BTBD7: variants seen among roughly 807,000 people sequenced by gnomAD.
BTBD7 encodes the protein BTB/POZ domain-containing protein 7.
BTBD7 carries 38 observed loss-of-function variants against 99.9 expected under a neutral mutation model. That is an observed-to-expected ratio of 0.38 (90% CI 0.29 to 0.50). The LOEUF is 0.50. BTBD7 is among the 20% of genes least tolerant of loss of function. BTBD7 has a pLI of 0.93. For missense variants in BTBD7, 1,170 were observed against 1,394.6 expected (o/e 0.84, Z 2.57); for synonymous variants, 520 against 511.4 (o/e 1.02, Z -0.23).
chr14:93,303,497 C>G (rs550086971), intron 1 of BTBD7, among the ~76,000 whole-genome samples: 8 of 151,790 alleles, frequency 5.3e-5, no homozygotes, highest in Non-Finnish European at 1.2e-4. Context: ...ACTCGGAAAG[C>G]AGAAACAGGA....
At chr14:93,309,608 C>T (rs566384263) in intron 1 of BTBD7, among the ~76,000 whole-genome samples, 1 of 152,130 alleles carries the variant, frequency 6.6e-6, no homozygotes, top group South Asian at 2.1e-4. Flanking sequence ...CACTGTGCTG[C>T]TGTTTCTATT....
rs1417519441 is a variant in BTBD7 at position 93,332,764 on chromosome 14, G to A, written c.-107+56C>T. On this transcript the variant is annotated intron_variant, in intron 1 of 10. Coordinates refer to ENST00000334746, the MANE Select transcript of BTBD7 (RefSeq NM_001002860.4). The stretch of plus-strand genomic sequence containing the variant: ...CCCCTTCCTCTCCCGGACGCCCCGC[G>A]CCACACCGGACACAGCCTCGGCTCC... 4.1e-6 allele frequency: 6 copies of A among 1,447,898 alleles called. No homozygotes were observed. The South Asian group carries it at 5.4e-5, about 13-fold the overall frequency. The allele number at this position is 1,447,898 out of a possible 1,614,324, so 89.7% of individuals were successfully genotyped here.
intron 9 of BTBD7, among the ~76,000 whole-genome samples, chr14:93,247,805 C>T (rs2052329555): frequency 6.6e-6 from 1 of 152,160 alleles, no homozygotes; most frequent in Non-Finnish European, 1.5e-5. Context: ...AAAACCAGTG[C>T]TATTGCTTTT....
At chr14:93,279,813 A>G (rs2052698989) in intron 3 of BTBD7, among the ~76,000 whole-genome samples, 1 of 152,202 alleles carries the variant, frequency 6.6e-6, no homozygotes, top group Admixed American at 6.6e-5. Flanking sequence ...ACACAGTAAG[A>G]GCTCAATAAG....
At chr14:93,324,903 C>T (rs367802118) in intron 1 of BTBD7, among the ~76,000 whole-genome samples, 1 of 152,242 alleles carries the variant, frequency 6.6e-6, no homozygotes, top group East Asian at 1.9e-4. Context: ...ATTAGATGGG[C>T]AGCTAACAGA....
Position 93,332,840 on chromosome 14 carries a change from C to G in BTBD7, c.-127G>C, listed in dbSNP as rs1386270809. 6.8e-7 allele frequency: 1 copy of G among 1,479,096 alleles called. No homozygotes were observed. The highest frequency in any genetic ancestry group is 1.5e-5 in the African/African-American group (1 of 68,394). The allele number at this position is 1,479,096 out of a possible 1,614,324, so 91.6% of individuals were successfully genotyped here. On this transcript the variant is annotated 5_prime_UTR_variant, in exon 1 of 11. Transcript: ENST00000334746. ...CTCACCCCGGAGGCTCCTCCCGCCGCTGCTGCTGCCGCTGGGACCGCTGCC... is the reference window on the plus strand; with the variant it reads ...CTCACCCCGGAGGCTCCTCCCGCCGGTGCTGCTGCCGCTGGGACCGCTGCC...
intron 9 of BTBD7, 119 bp downstream of exon 9, chr14:93,248,357 C>T (rs918821276): frequency 2.0e-6 from 2 of 1,017,858 alleles, no homozygotes; most frequent in Non-Finnish European, 2.8e-6. Context: ...ACACCAAAGG[C>T]AGTGAAAAAG....
intron 1 of BTBD7, among the ~76,000 whole-genome samples, chr14:93,323,723 T>C (rs1228397161): frequency 6.6e-6 from 1 of 152,166 alleles, no homozygotes; most frequent in East Asian, 1.9e-4. Context: ...TAGGTAATAA[T>C]GAGGGGCAAG....
chr14:93,302,069 A>G (rs2053011686), intron 1 of BTBD7, among the ~76,000 whole-genome samples: 1 of 152,166 alleles, frequency 6.6e-6, no homozygotes, highest in Non-Finnish European at 1.5e-5. Context: ...TATCTTGAGT[A>G]CGAGTTAACT....
intron 1 of BTBD7, among the ~76,000 whole-genome samples, chr14:93,311,952 A>C (rs1408832129): frequency 6.6e-6 from 1 of 151,798 alleles, no homozygotes; most frequent in African/African-American, 2.4e-5. Context: ...AGTGAGTATA[A>C]AGTTAAAATA....
At chr14:93,316,968 A>G (rs916057141) in intron 1 of BTBD7, among the ~76,000 whole-genome samples, 1 of 152,228 alleles carries the variant, frequency 6.6e-6, no homozygotes, top group Admixed American at 6.5e-5. Context: ...TCCTGTGAAA[A>G]GGCTAAGAGT....
chr14:93,332,572 G>C lies in BTBD7; in HGVS notation c.-107+248C>G, dbSNP rs1714891281. 2.0e-5 allele frequency among the ~76,000 whole-genome samples: 3 copies of C among 151,506 alleles called. No homozygotes were observed. In the South Asian group the frequency reaches 6.2e-4, roughly 31 times the overall value. On this transcript the variant is annotated intron_variant, in intron 1 of 10. Coordinates refer to ENST00000334746, the MANE Select transcript of BTBD7 (RefSeq NM_001002860.4). ...CGCCACACCTCGCGCCCCTGCCCCA[G>C]GGACGGCGGCGCGCTCCAGCCCGCC...
chr14:93,327,292 GC>G (rs1728666515), intron 1 of BTBD7, among the ~76,000 whole-genome samples: 1 of 152,134 alleles, frequency 6.6e-6, no homozygotes, highest in Non-Finnish European at 1.5e-5. Context: ...TTCACTGAAT[GC>G]CCCTGTGCCA....
chr14:93,250,166 T>C (rs1351785306), intron 8 of BTBD7, among the ~76,000 whole-genome samples: 1 of 152,102 alleles, frequency 6.6e-6, no homozygotes. Flanking sequence ...ATGAATGTGG[T>C]GTGCAAGGAA....
At chr14:93,293,398 C>G (rs561000554) in intron 3 of BTBD7, among the ~76,000 whole-genome samples, 3 of 152,270 alleles carry the variant, frequency 2.0e-5, no homozygotes, top group Non-Finnish European at 2.9e-5. Context: ...AGAAACCCTG[C>G]CCAATTCTGA....
In BTBD7 at chr14:93,238,165, C is replaced by T. The variant is rs1242000475; in HGVS notation, c.*4108G>A. On this transcript the variant is annotated 3_prime_UTR_variant, in exon 11 of 11. Coordinates refer to ENST00000334746, the MANE Select transcript of BTBD7 (RefSeq NM_001002860.4). ...CAAATACAAGAGGTTATTTTCAAGA[C>T]ACACACTTGCAAGTAATCTTTCTAT... is the stretch of plus-strand genomic sequence containing the variant. 6.6e-6 allele frequency: 1 copy of T among 152,532 alleles called. No homozygotes were observed. Among genetic ancestry groups the T allele is most frequent in the African/African-American group, 2.4e-5 (1 of 41,414 alleles). The allele number at this position is 152,532 out of a possible 1,614,324, so 9.4% of individuals were successfully genotyped here.
intron 3 of BTBD7, among the ~76,000 whole-genome samples, chr14:93,289,733 C>T (rs1303843186): frequency 6.6e-6 from 1 of 152,204 alleles, no homozygotes; most frequent in African/African-American, 2.4e-5. Flanking sequence ...TAAATCTGGT[C>T]CTAAATGCCA....
rs2052193609 is a variant in BTBD7 at position 93,239,268 on chromosome 14, T to C, written c.*3005A>G. ...TGAACGTCCTCTCGGCTCTAGCGTGTAAACGGTAGGTCTCTAACCTCAACG... is the reference window on the plus strand; with the variant it reads ...TGAACGTCCTCTCGGCTCTAGCGTGCAAACGGTAGGTCTCTAACCTCAACG... On this transcript the variant is annotated 3_prime_UTR_variant, in exon 11 of 11. Transcript: ENST00000334746. The C allele has an allele frequency of 6.6e-6, 1 of 152,576 alleles. No individual in the cohort carries two copies. The allele number at this position is 152,576 out of a possible 1,614,324, so 9.5% of individuals were successfully genotyped here. A position where few individuals can be genotyped will look rare whatever the true frequency, so the allele number is the denominator to read the frequency against.
At position 93,294,170 on chromosome 14, in the gene BTBD7, G is replaced by T; in HGVS notation, c.850C>A (p.Arg284=). The T allele has an allele frequency of 1.9e-6, 3 of 1,614,152 alleles. No homozygotes were observed. The highest frequency in any genetic ancestry group is 1.7e-6 in the Non-Finnish European group (2 of 1,180,008). ...AATAAATTTCGAAAAAATGGGGACC[G>T]TGCAGAAATAACAGCCTTGTGGGCT... The part of the protein sequence containing the change: ...LKAHKAVISA[R]SPFFRNLLQR... The change falls in exon 3 of 11, where the codon CGG becomes AGG. Residue 284 remains arginine (R), a synonymous_variant. Transcript: ENST00000334746.
Sources: gnomAD v4.1 joint callset for allele counts (sites outside exome capture counted in the v4.1 genomes callset) on GRCh38, gnomAD v4.1.1 for gene constraint, MANE v1.5 for transcripts, NCBI Gene and HGNC (gene_info 2026-07-23, HGNC 2026-07-21) for gene names.